OR6N1: variants seen among roughly 807,000 people sequenced by gnomAD.
The protein encoded by OR6N1 is olfactory receptor 6N1.
For synonymous variants in OR6N1, 170 were observed against 150.7 expected (o/e 1.13, Z -0.94); for missense variants, 394 against 371.7 (o/e 1.06, Z -0.49).
chr1:158,831,562 G>C, the OR6N1 span: 1 of 152,160 alleles, frequency 6.6e-6, no homozygotes, highest in Non-Finnish European at 1.5e-5. Context: ...ATTAAGGTGA[G>C]ATTTCTGGGA....
At chr1:158,838,560 G>A in the OR6N1 span, among the ~76,000 whole-genome samples, 1 of 152,128 alleles carries the variant, frequency 6.6e-6, no homozygotes, top group Non-Finnish European at 1.5e-5. Context: ...GTGTCATAGT[G>A]TAAGTTTCTT....
chr1:158,830,566 G>A, the OR6N1 span, among the ~76,000 whole-genome samples: 5 of 152,192 alleles, frequency 3.3e-5, no homozygotes, highest in African/African-American at 1.2e-4. Context: ...TCAGAGTTAT[G>A]ATACTTTGTA....
chr1:158,835,882 AGAT>A, the OR6N1 span, among the ~76,000 whole-genome samples: 3 of 151,904 alleles, frequency 2.0e-5, no homozygotes, highest in African/African-American at 4.8e-5. Flanking sequence ...GCATCAATTG[AGAT>A]GATCATTTTT....
At chr1:158,778,054 C>A in the OR6N1 span, among the ~76,000 whole-genome samples, 1 of 152,246 alleles carries the variant, frequency 6.6e-6, no homozygotes, top group Non-Finnish European at 1.5e-5. Context: ...AACATTCTAA[C>A]TCCTCTTCCC....
At chr1:158,781,258 C>A in the OR6N1 span, 1 of 152,220 alleles carries the variant, frequency 6.6e-6, no homozygotes, top group Non-Finnish European at 1.5e-5. Flanking sequence ...TAAGCCTTTT[C>A]TCCTTTACAG....
At chr1:158,806,447 T>G in the OR6N1 span, among the ~76,000 whole-genome samples, 2 of 152,218 alleles carry the variant, frequency 1.3e-5, no homozygotes, top group Non-Finnish European at 2.9e-5. Flanking sequence ...GATTAATATT[T>G]ACATGCTTAA....
chr1:158,774,572 C>T (rs898942450), upstream of OR6N1: 7 of 152,162 alleles, frequency 4.6e-5, no homozygotes, highest in Admixed American at 1.3e-4. Context: ...TATAAACATA[C>T]ATTTATCGTG....
chr1:158,826,203 C>A, the OR6N1 span, among the ~76,000 whole-genome samples: 1 of 151,508 alleles, frequency 6.6e-6, no homozygotes, highest in Non-Finnish European at 1.5e-5. Context: ...AAATAATCTG[C>A]ACATCAAATC....
chr1:158,797,455 A>T, the OR6N1 span, among the ~76,000 whole-genome samples: 1 of 152,036 alleles, frequency 6.6e-6, no homozygotes, highest in Admixed American at 6.5e-5. Flanking sequence ...AAACTATCTC[A>T]TCCTTCTATT....
the OR6N1 span, among the ~76,000 whole-genome samples, chr1:158,790,339 T>A: frequency 0.019 from 2,883 of 152,146 alleles, 90 homozygotes; most frequent in African/African-American, 0.066. Flanking sequence ...TGGTTCCATA[T>A]AAACTTTAGG....
chr1:158,787,622 C>A, the OR6N1 span, among the ~76,000 whole-genome samples: 3 of 131,456 alleles, frequency 2.3e-5, no homozygotes, highest in South Asian at 2.5e-4. Context: ...ATCTCTCTAT[C>A]TCTCTCTCTC....
the OR6N1 span, among the ~76,000 whole-genome samples, chr1:158,787,620 A>ATCTCTCTC: frequency 0.052 from 6,255 of 121,132 alleles, 192 homozygotes; most frequent in Admixed American, 0.1. Context: ...CTATCTCTCT[A>ATCTCTCTC]TCTCTCTCTC....
At chr1:158,767,237 T>G (rs539536522) in intron 1 of OR6N1, among the ~76,000 whole-genome samples, 1 of 152,184 alleles carries the variant, frequency 6.6e-6, no homozygotes, top group African/African-American at 2.4e-5. Flanking sequence ...AGAACTCAGG[T>G]CTGCTAGCAT....
the OR6N1 span, among the ~76,000 whole-genome samples, chr1:158,795,358 C>T: frequency 6.6e-6 from 1 of 152,174 alleles, no homozygotes; most frequent in Non-Finnish European, 1.5e-5. Flanking sequence ...CAGGCCACAC[C>T]CCTCCTGGTT....
rs200022523 is a variant in OR6N1 at position 158,766,282 on chromosome 1, G to A, written c.401C>T (p.Thr134Ile). 6.2e-7 allele frequency: 1 copy of A among 1,614,100 alleles called. No individual in the cohort carries two copies. Among genetic ancestry groups the A allele is most frequent in the Non-Finnish European group, 8.5e-7 (1 of 1,180,016 alleles). ...LAICRPLHYP[T>I]LMTPTLCAEI... ...TGCACAAAGTGTTGGGGTCATGAGG[G>A]TTGGGTAGTGGAGGGGCCGGCAGAT... is the stretch of plus-strand genomic sequence containing the variant. Residue 134 changes from threonine (T) to isoleucine (I), a missense_variant, in exon 2 of 2, where the codon ACC (threonine) becomes ATC (isoleucine). Physicochemically the swap from Thr to Ile is moderately conservative, Grantham distance 89. Transcript: ENST00000641846.
chr1:158,794,673 G>C, the OR6N1 span, among the ~76,000 whole-genome samples: 1 of 152,198 alleles, frequency 6.6e-6, no homozygotes, highest in Non-Finnish European at 1.5e-5. Context: ...GTCAGCTGTA[G>C]AAATAATGTA....
At chr1:158,830,789 T>C in the OR6N1 span, among the ~76,000 whole-genome samples, 4 of 152,244 alleles carry the variant, frequency 2.6e-5, no homozygotes, top group African/African-American at 9.6e-5. Context: ...AGAGAGCAAC[T>C]AGTATGAAAC....
chr1:158,827,369 C>T, the OR6N1 span, among the ~76,000 whole-genome samples: 2,590 of 152,244 alleles, frequency 0.017, 67 homozygotes, highest in African/African-American at 0.059. Context: ...GGTCACATGT[C>T]TATTTTTAAT....
At chr1:158,811,711 T>C in the OR6N1 span, among the ~76,000 whole-genome samples, 2 of 152,168 alleles carry the variant, frequency 1.3e-5, no homozygotes, top group Non-Finnish European at 2.9e-5. Context: ...ATCACACAGA[T>C]AATAGCAAAA....
Sources: allele counts gnomAD v4.1 joint callset (sites outside exome capture counted in the v4.1 genomes callset), GRCh38; gene constraint gnomAD v4.1.1; transcripts MANE v1.5; gene names NCBI Gene and HGNC (gene_info 2026-07-23, HGNC 2026-07-21).